The following RABL2B variants were observed in gnomAD, a reference collection of about 807,000 sequenced individuals.
The protein encoded by RABL2B is rab-like protein 2B.
RABL2B carries 17 observed loss-of-function variants against 26.7 expected under a neutral mutation model. That is an observed-to-expected ratio of 0.64 (90% confidence interval 0.44 to 0.95). RABL2B has a LOEUF of 0.95. RABL2B is among the 40% of genes least tolerant of loss of function. The pLI is 0.00. For synonymous variants in RABL2B, 70 were observed against 103.9 expected (o/e 0.67, Z 1.99); for missense variants, 170 against 277.2 (o/e 0.61, Z 2.75).
intron 6 of RABL2B, 158 bp downstream of exon 6, chr22:50,769,747 T>C: frequency 1.2e-6 from 1 of 863,436 alleles, no homozygotes. Flanking sequence ...GGCTTCTTTA[T>C]AAGGTGGGAA....
intron 2 of RABL2B, 138 bp from the exon 3 acceptor site, chr22:50,778,119 C>T (rs879955636): frequency 9.7e-5 from 119 of 1,227,088 alleles, no homozygotes; most frequent in Non-Finnish European, 1.3e-4. Context: ...ACACAGCTTC[C>T]GGGTCAAGTC....
Position 50,768,718 on chromosome 22 carries a change from G to A in RABL2B, c.*58C>T. On this transcript the variant is annotated 3_prime_UTR_variant, in exon 9 of 9. Transcript: ENST00000691320. ...GAGAGTTTCTCCATTCAGAGCTGGA[G>A]AGTTGTTGAAGGGAAGGGTATTTTA... 6.6e-7 allele frequency: 1 copy of A among 1,525,660 alleles called. No homozygotes were observed. The allele number at this position is 1,525,660 out of a possible 1,614,324, so 94.5% of individuals were successfully genotyped here.
At chr22:50,773,507 A>G (rs1183582707) in intron 5 of RABL2B, among the ~76,000 whole-genome samples, 1 of 151,940 alleles carries the variant, frequency 6.6e-6, no homozygotes, top group Non-Finnish European at 1.5e-5. Context: ...TGCATCACAG[A>G]CAGTCCATGT....
intron 4 of RABL2B, among the ~76,000 whole-genome samples, chr22:50,776,466 C>G (rs540948888): frequency 2.9e-4 from 44 of 152,362 alleles, no homozygotes; most frequent in Admixed American, 2.3e-3. Flanking sequence ...GACGCCAGGT[C>G]AGAGGGCTGG....
chr22:50,768,057 A>G lies in RABL2B; in HGVS notation c.*719T>C, dbSNP rs782781902. The G allele has an allele frequency of 8.4e-6, 2 of 239,240 alleles. No homozygotes were observed. Among genetic ancestry groups the G allele is most frequent in the Non-Finnish European group, 1.7e-5 (2 of 119,270 alleles). 14.8% of individuals were successfully genotyped at this position (239,240 alleles called of 1,614,324 possible). A position where few individuals can be genotyped will look rare whatever the true frequency, so the allele number is the denominator to read the frequency against. ...ATCACGAGGTGAGGAGATCGAGACCATCCTGGGCAACATGGTGAAACCCCG... is the reference window on the plus strand; with the variant it reads ...ATCACGAGGTGAGGAGATCGAGACCGTCCTGGGCAACATGGTGAAACCCCG... On this transcript the variant is annotated 3_prime_UTR_variant, in exon 9 of 9. Transcript: ENST00000691320.
At chr22:50,772,265 G>C in intron 5 of RABL2B, 1 of 945,274 alleles carries the variant, frequency 1.1e-6, no homozygotes, top group Non-Finnish European at 1.3e-6. Flanking sequence ...CTGACCTCAG[G>C]TGATCTGCCC....
intron 7 of RABL2B, 64 bp downstream of exon 7, chr22:50,769,391 T>C: frequency 6.2e-7 from 1 of 1,611,724 alleles, no homozygotes; most frequent in Non-Finnish European, 8.5e-7. Context: ...AGCCCTTCTC[T>C]TCACAGCTTC....
Position 50,773,496 on chromosome 22 carries a change from G to A in RABL2B, c.297+2276C>T, listed in dbSNP as rs577642512. 3.3e-5 allele frequency among the ~76,000 whole-genome samples: 5 copies of A among 151,950 alleles called. No homozygotes were observed. In the East Asian group the frequency reaches 9.6e-4, roughly 29 times the overall value. ...TGGGCACTCCCAGCATCCTGCACAC[G>A]TGCATCACAGACAGTCCATGTTGTG... On this transcript the variant is annotated intron_variant, in intron 5 of 8. Coordinates refer to ENST00000691320, the MANE Select transcript of RABL2B (RefSeq NM_001130919.3).
chr22:50,769,580 T>C (rs1261088798), intron 6 of RABL2B, 28 bp from the exon 7 acceptor site: 2 of 1,582,364 alleles, frequency 1.3e-6, no homozygotes, highest in Non-Finnish European at 1.7e-6. Flanking sequence ...GACATTGGTC[T>C]GTCTGTCAAG....
intron 2 of RABL2B, among the ~76,000 whole-genome samples, chr22:50,778,955 A>G (rs1296665940): frequency 6.6e-6 from 1 of 150,908 alleles, no homozygotes; most frequent in Non-Finnish European, 1.5e-5. Context: ...CACCCTTACT[A>G]TAAAGAAAAC....
chr22:50,769,612 G>A lies in RABL2B; in HGVS notation c.410-60C>T, dbSNP rs189824362. On this transcript the variant is annotated intron_variant, in intron 6 of 8. Transcript: ENST00000691320. ...CAAGGGAAGGGAAGAAGGTTTGGAGGGGGGGGCCACTGGAGGCCTTCATTC... is the reference window on the plus strand; with the variant it reads ...CAAGGGAAGGGAAGAAGGTTTGGAGAGGGGGGCCACTGGAGGCCTTCATTC... 11 of 1,609,296 alleles carry A rather than the reference G, an allele frequency of 6.8e-6. No homozygotes were observed. The Admixed American group carries it at 8.4e-5, about 12-fold the overall frequency.
At chr22:50,772,140 C>G (rs1555919328) in intron 5 of RABL2B, 1 of 175,540 alleles carries the variant, frequency 5.7e-6, no homozygotes, top group African/African-American at 2.4e-5. Flanking sequence ...AATGATTCTC[C>G]TGTCTCAGCC....
chr22:50,781,148 G>A (rs1445581779), intron 2 of RABL2B, among the ~76,000 whole-genome samples: 2 of 152,012 alleles, frequency 1.3e-5, no homozygotes, highest in Non-Finnish European at 2.9e-5. Context: ...AGACCATCCT[G>A]GCTAATAAGG....
rs1185103447 is a variant in RABL2B, at chr22:50,767,617, A to T, written c.*1159T>A. The T allele has an allele frequency of 9.0e-6, 3 of 334,536 alleles. No homozygotes were observed. The highest frequency in any genetic ancestry group is 4.5e-5 in the Admixed American group (1 of 22,400). The allele number at this position is 334,536 out of a possible 1,614,324, so 20.7% of individuals were successfully genotyped here. A position where few individuals can be genotyped will look rare whatever the true frequency, so the allele number is the denominator to read the frequency against. Reference sequence around the variant, plus strand: ...TATCATAAAAACATACTAGCAAGCCACAAGTACCAGAGAGGGGTGAACAGG... The same window carrying T: ...TATCATAAAAACATACTAGCAAGCCTCAAGTACCAGAGAGGGGTGAACAGG... On this transcript the variant is annotated 3_prime_UTR_variant, in exon 9 of 9. Coordinates refer to ENST00000691320, the MANE Select transcript of RABL2B (RefSeq NM_001130919.3).
chr22:50,776,512 G>C (rs1344351271), intron 4 of RABL2B, among the ~76,000 whole-genome samples, 158 bp downstream of exon 4: 2 of 152,170 alleles, frequency 1.3e-5, no homozygotes, highest in African/African-American at 2.4e-5. Flanking sequence ...CACCCTCCTG[G>C]CTCCTGGCTC....
intron 2 of RABL2B, chr22:50,780,510 T>C (rs2085659017): frequency 8.3e-6 from 3 of 361,274 alleles, no homozygotes; most frequent in African/African-American, 2.2e-5. Context: ...TTAATGGGTG[T>C]TTTAGCCCAA....
intron 5 of RABL2B, among the ~76,000 whole-genome samples, chr22:50,773,386 G>A (rs1267929197): frequency 6.6e-6 from 1 of 152,216 alleles, no homozygotes; most frequent in Non-Finnish European, 1.5e-5. Flanking sequence ...CAGAAGGGAA[G>A]AATCCTCACT....
At chr22:50,770,617 T>C (rs1341321127) in intron 5 of RABL2B, 3 of 153,014 alleles carry the variant, frequency 2.0e-5, no homozygotes, top group Non-Finnish European at 4.4e-5. Flanking sequence ...TGCCAATTGA[T>C]GCAGTCTGTT....
chr22:50,776,109 A>G (rs2084939397), intron 4 of RABL2B, among the ~76,000 whole-genome samples: 1 of 152,140 alleles, frequency 6.6e-6, no homozygotes, highest in Non-Finnish European at 1.5e-5. Context: ...ACACACTGGA[A>G]GCCCAAGGAG....
Sources: gnomAD v4.1 joint callset for allele counts (sites outside exome capture counted in the v4.1 genomes callset) on GRCh38, gnomAD v4.1.1 for gene constraint, MANE v1.5 for transcripts, NCBI Gene and HGNC (gene_info 2026-07-23, HGNC 2026-07-21) for gene names.